PRDM10: variants seen among roughly 807,000 people sequenced by gnomAD.
The protein encoded by PRDM10 is PR/SET domain 10, also known as PR domain zinc finger protein 10.
PRDM10 carries 65 observed loss-of-function variants against 133.1 expected under a neutral mutation model. The observed-to-expected ratio is 0.49, with a 90% confidence interval of 0.40 to 0.60. The LOEUF (loss-of-function observed/expected upper bound fraction) is 0.60, where lower values mean the gene tolerates loss of function less well. Ranked by LOEUF, PRDM10 falls within the 20% of genes least tolerant of loss-of-function variation. The pLI, the probability that PRDM10 is intolerant of heterozygous loss-of-function variation, is 0.00. For missense variants in PRDM10, 1,137 were observed against 1,507.1 expected (o/e 0.75, Z 4.07); for synonymous variants, 582 against 580.4 (o/e 1.00, Z -0.04).
intron 20 of PRDM10, among the ~76,000 whole-genome samples, chr11:129,904,012 G>C (rs1049840728): frequency 3.3e-5 from 5 of 152,058 alleles, no homozygotes; most frequent in African/African-American, 1.2e-4. Context: ...AAAATGTCCT[G>C]ATCATGCCAA....
chr11:129,906,834 C>G (rs766893796), intron 19 of PRDM10, among the ~76,000 whole-genome samples: 1 of 151,948 alleles, frequency 6.6e-6, no homozygotes, highest in Non-Finnish European at 1.5e-5. Flanking sequence ...AAAAATTAGC[C>G]AGGCATGGTG....
At chr11:129,922,245 A>G (rs1382387154) in intron 13 of PRDM10, among the ~76,000 whole-genome samples, 1 of 152,256 alleles carries the variant, frequency 6.6e-6, no homozygotes, top group African/African-American at 2.4e-5. Flanking sequence ...AGGTGTTAAA[A>G]TATGGTATCT....
intron 1 of PRDM10, among the ~76,000 whole-genome samples, chr11:129,968,843 A>C (rs547320151): frequency 1.1e-4 from 16 of 152,324 alleles, no homozygotes; most frequent in African/African-American, 3.8e-4. Context: ...CTGCTGATGC[A>C]CCCATCGACA....
chr11:129,924,978 G>C lies in PRDM10; in HGVS notation c.1782C>G (p.Asp594Glu), dbSNP rs1299806758. The stretch of plus-strand genomic sequence containing the variant: ...CATGATCTTTCAACAAATCAAGGCG[G>C]TCAAAGGATTCTGGGCAAAAAATGC... ...YSCIFCPESF[D>E]RLDLLKDHVA... The change falls in exon 12 of 21, where the codon GAC becomes GAG. Residue 594 changes from aspartate (D) to glutamate (E), a missense_variant. By Grantham distance (45) the Asp-to-Glu change is conservative. Around this residue, in one of 6 missense-constraint regions of PRDM10, gnomAD observed 635 missense variants for 835.2 expected, o/e 0.76. Transcript: ENST00000360871. 1 of 1,614,194 alleles carries C rather than the reference G, an allele frequency of 6.2e-7. No homozygotes were observed. The highest frequency in any genetic ancestry group is 2.2e-5 in the East Asian group (1 of 44,872).
Position 129,900,762 on chromosome 11 carries a change from CAT to C in PRDM10, c.*1549_*1550del, listed in dbSNP as rs779415877. On this transcript the variant is annotated 3_prime_UTR_variant, in exon 21 of 21. Coordinates refer to ENST00000360871, the MANE Select transcript of PRDM10 (RefSeq NM_199437.2). The stretch of plus-strand genomic sequence containing the variant: ...ACAAAGAGAGTCCATTTTCAGTTTC[CAT>C]ATGTTTATGAAGTAATTTTCTCAAG... The C allele has an allele frequency of 6.6e-6, 1 of 152,190 alleles. No homozygotes were observed. Among genetic ancestry groups the C allele is most frequent in the East Asian group, 1.9e-4 (1 of 5,192 alleles). 9.4% of individuals were successfully genotyped at this position (152,190 alleles called of 1,614,324 possible).
At position 129,959,232 on chromosome 11, in the gene PRDM10, C is replaced by G. The variant is rs868389170; in HGVS notation, c.70-1322G>C. On this transcript the variant is annotated intron_variant, in intron 2 of 20. Transcript: ENST00000360871. Reference sequence around the variant, plus strand: ...AACACCACAGAAATACAACAAACTTCCACCTCTACACGAAATGATTAGTCT... The same window carrying G: ...AACACCACAGAAATACAACAAACTTGCACCTCTACACGAAATGATTAGTCT... Among the ~76,000 whole-genome samples the G allele has an allele frequency of 2.6e-5, 4 of 152,158 alleles. No homozygotes were observed. In the South Asian group the frequency reaches 6.2e-4, roughly 24 times the overall value.
chr11:129,942,409 G>T lies in PRDM10; in HGVS notation c.966+17C>A, dbSNP rs1951241247. ...CTCTTGCTAGCAAATAGCAGCACGG[G>T]TCAGGCAGCACTGTACCTTCAGTTC... On this transcript the variant is annotated intron_variant, in intron 7 of 20. Transcript: ENST00000360871. 2.5e-6 allele frequency: 4 copies of T among 1,608,478 alleles called. No individual in the cohort carries two copies. The highest frequency in any genetic ancestry group is 3.4e-6 in the Non-Finnish European group (4 of 1,175,784).
intron 11 of PRDM10, among the ~76,000 whole-genome samples, chr11:129,926,747 A>C (rs999156459): frequency 3.3e-5 from 5 of 152,304 alleles, no homozygotes; most frequent in African/African-American, 1.2e-4. Flanking sequence ...GCTTCAGGGG[A>C]TGTATCATAC....
intron 1 of PRDM10, among the ~76,000 whole-genome samples, chr11:129,992,754 T>C (rs539285733): frequency 6.6e-6 from 1 of 152,352 alleles, no homozygotes; most frequent in African/African-American, 2.4e-5. Context: ...AGAATACTTA[T>C]TAAATGCCTA....
chr11:129,929,306 A>C, intron 11 of PRDM10: 1 of 1,127,202 alleles, frequency 8.9e-7, no homozygotes, highest in East Asian at 2.8e-5. Context: ...TGTAGCAACC[A>C]AACTGTGGTT....
chr11:129,917,501 G>A (rs1452308484), intron 14 of PRDM10, among the ~76,000 whole-genome samples: 3 of 152,164 alleles, frequency 2.0e-5, no homozygotes, highest in Non-Finnish European at 2.9e-5. Flanking sequence ...AACAGTCTTT[G>A]GCTGAAAGAA....
intron 11 of PRDM10, chr11:129,929,263 A>G: frequency 1.4e-6 from 1 of 721,196 alleles, no homozygotes; most frequent in Non-Finnish European, 2.2e-6. Flanking sequence ...CTATTTACAA[A>G]TAAATTATCA....
chr11:129,958,188 G>A (rs746222464), intron 2 of PRDM10, among the ~76,000 whole-genome samples: 12 of 152,278 alleles, frequency 7.9e-5, no homozygotes, highest in South Asian at 4.1e-4. Flanking sequence ...TCCTGGAAAC[G>A]ACACTGAAGA....
rs1051123604 is a variant in PRDM10, at chr11:129,945,707, C to T, written c.521-695G>A. 1.3e-5 allele frequency among the ~76,000 whole-genome samples: 2 copies of T among 152,144 alleles called. No individual in the cohort carries two copies. Among genetic ancestry groups the T allele is most frequent in the Non-Finnish European group, 2.9e-5 (2 of 68,052 alleles). ...CAGGAGCACCCACCTGTAAGCTAAC[C>T]GCCAGAACGAGACAGGTACAGCCCC... On this transcript the variant is annotated intron_variant, in intron 5 of 20. Transcript: ENST00000360871. This position sits in a 1 kb window ranked among gnomAD's most constrained non-coding sequence, Gnocchi z 4.2.
At chr11:129,949,792 G>A (rs1951532587) in intron 4 of PRDM10, among the ~76,000 whole-genome samples, 1 of 151,560 alleles carries the variant, frequency 6.6e-6, no homozygotes, top group Admixed American at 6.6e-5. Context: ...AAAGTAGCTG[G>A]GCATGGTAGC....
At chr11:129,975,993 G>A (rs560761747) in intron 1 of PRDM10, among the ~76,000 whole-genome samples, 14 of 152,172 alleles carry the variant, frequency 9.2e-5, no homozygotes, top group Non-Finnish European at 2.1e-4. Flanking sequence ...GTCTCCTACA[G>A]TACCTCATCC....
intron 4 of PRDM10, among the ~76,000 whole-genome samples, chr11:129,951,341 A>C (rs1951576966): frequency 6.6e-6 from 1 of 152,148 alleles, no homozygotes; most frequent in Non-Finnish European, 1.5e-5. Context: ...AGTCTATTCA[A>C]GGAGGGCAGC....
At chr11:129,915,908 T>G in intron 15 of PRDM10, 48 bp from the exon 16 acceptor site, 1 of 1,536,250 alleles carries the variant, frequency 6.5e-7, no homozygotes, top group Non-Finnish European at 8.8e-7. Context: ...AGTTCCACTT[T>G]CTTGCTTAAA....
At chr11:129,960,850 CA>C (rs1565496878) in intron 2 of PRDM10, 45 bp downstream of exon 2, 1 of 1,599,920 alleles carries the variant, frequency 6.3e-7, no homozygotes, top group African/African-American at 1.3e-5. Context: ...AAACTGAGTC[CA>C]GCTGAAAACC....
Sources: gnomAD v4.1 joint callset for allele counts (sites outside exome capture counted in the v4.1 genomes callset) on GRCh38, gnomAD v4.1.1 for gene constraint, gnomAD v4.1.1 regional missense constraint, Gnocchi (gnomAD v3.1) non-coding constraint, MANE v1.5 for transcripts, NCBI Gene and HGNC (gene_info 2026-07-23, HGNC 2026-07-21) for gene names.